LGALS16: variants seen among roughly 807,000 people sequenced by gnomAD.
LGALS16 encodes galectin 16.
LGALS16 carries 15 observed loss-of-function variants against 13.2 expected under a neutral mutation model. The observed-to-expected ratio is 1.13, with a 90% CI of 0.76 to 1.75. LGALS16 has a LOEUF of 1.75. Ranked by LOEUF, LGALS16 falls within the 40% of genes most tolerant of loss-of-function variation. LGALS16 has a pLI of 0.00. For synonymous variants in LGALS16, 66 were observed against 65.4 expected, an observed-to-expected ratio of 1.01 and a Z score of -0.05; for missense variants, 198 against 178.4, an observed-to-expected ratio of 1.11 and a Z score of -0.63.
At chr19:39,658,385 G>T (rs1347850235) in intron 2 of LGALS16, 75 bp from the exon 3 acceptor site, 1 of 1,239,208 alleles carries the variant, frequency 8.1e-7, no homozygotes, top group Admixed American at 2.0e-5. Flanking sequence ...ATGGGGGAAG[G>T]GATTTGTGTG....
rs538753481 is a variant in LGALS16 at position 39,658,642 on chromosome 19, G to A, written c.275G>A (p.Arg92His). 5.6e-5 allele frequency: 89 copies of A among 1,588,622 alleles called. No homozygotes were observed. Among genetic ancestry groups the A allele is most frequent in the Non-Finnish European group, 7.2e-5 (84 of 1,170,970 alleles). The stretch of plus-strand genomic sequence containing the variant: ...GAGGATGGCAAACCATTTGACTTGC[G>A]CATCTACGTGTGTCACAATGAGTAT... ...PFEDGKPFDL[R>H]IYVCHNEYEV... Residue 92 changes from arginine (R) to histidine (H), a missense_variant, in exon 3 of 4, where the codon CGC becomes CAC. Coordinates refer to ENST00000392051, the MANE Select transcript of LGALS16 (RefSeq NM_001190441.3).
At chr19:39,657,812 T>A (rs1251975821) in intron 1 of LGALS16, 71 bp from the exon 2 acceptor site, 2 of 1,544,278 alleles carry the variant, frequency 1.3e-6, no homozygotes, top group Admixed American at 3.4e-5. Context: ...TCCTGCACCA[T>A]GGGAATATGT....
chr19:39,657,893 A>G lies in LGALS16; in HGVS notation c.26A>G (p.Lys9Arg). The G allele has an allele frequency of 6.2e-7, 1 of 1,613,942 alleles. No homozygotes were observed. Among genetic ancestry groups the G allele is most frequent in the Non-Finnish European group, 8.5e-7 (1 of 1,180,014 alleles). MSFLTVPYKLPVSLSVGSC... is the reference protein window; with the variant it reads MSFLTVPYRLPVSLSVGSC... ...TCAATACCCTGGCAGGTGCCATACA[A>G]ACTGCCTGTGTCTTTGTCTGTTGGT... The change falls in exon 2 of 4, where the codon AAA (lysine) becomes AGA (arginine). Residue 9 changes from lysine to arginine, a missense_variant. Transcript: ENST00000392051.
Position 39,658,582 on chromosome 19 carries a change from G to A in LGALS16, c.215G>A (p.Trp72Ter), listed in dbSNP as rs567987381. 6.2e-7 allele frequency: 1 copy of A among 1,608,240 alleles called. No homozygotes were observed. Among genetic ancestry groups the A allele is most frequent in the South Asian group, 1.1e-5 (1 of 90,782 alleles). ...VVMNSREFGI[W>*]MLEENLHYVP... ...ATGAACAGTCGTGAGTTTGGGATAT[G>A]GATGTTGGAGGAGAATTTACACTAT... Residue 72 changes from tryptophan to a stop codon, truncating the protein, a stop_gained, in exon 3 of 4, where the codon TGG becomes TAG. Coordinates refer to ENST00000392051, the MANE Select transcript of LGALS16 (RefSeq NM_001190441.3). LOFTEE classifies it high-confidence loss of function.
chr19:39,656,907 G>C (rs1973200957), intron 1 of LGALS16, among the ~76,000 whole-genome samples: 1 of 151,734 alleles, frequency 6.6e-6, no homozygotes, highest in Non-Finnish European at 1.5e-5. Context: ...GTCTAAACTT[G>C]TTCCTCCACC....
rs758994018 is a variant in LGALS16, at chr19:39,658,676, C to G, written c.303+6C>G. 3.9e-6 allele frequency: 6 copies of G among 1,553,728 alleles called. No individual in the cohort carries two copies. The African/African-American group carries it at 8.2e-5, about 21-fold the overall frequency. On this transcript the variant is annotated splice_donor_region_variant and intron_variant, in intron 3 of 3. Coordinates refer to ENST00000392051, the MANE Select transcript of LGALS16 (RefSeq NM_001190441.3). ...TGTGTCACAATGAGTATGAGGTGAG[C>G]ACCCCAGGAGCTCGCAGTACCCAGG... is the stretch of plus-strand genomic sequence containing the variant.
chr19:39,659,986 A>G (rs1405931598), intron 3 of LGALS16, among the ~76,000 whole-genome samples: 1 of 152,258 alleles, frequency 6.6e-6, no homozygotes, highest in Non-Finnish European at 1.5e-5. Flanking sequence ...CTGTGCCATC[A>G]GTAGTGAAAG....
At chr19:39,660,057 C>G (rs973502221) in intron 3 of LGALS16, among the ~76,000 whole-genome samples, 2 of 152,124 alleles carry the variant, frequency 1.3e-5, no homozygotes, top group African/African-American at 4.8e-5. Context: ...TCGCACTAAC[C>G]CTGTGGCAGG....
chr19:39,657,342 C>T (rs989845567), intron 1 of LGALS16, among the ~76,000 whole-genome samples: 9 of 152,164 alleles, frequency 5.9e-5, no homozygotes, highest in African/African-American at 1.9e-4. Context: ...CCCTGACCCA[C>T]AGGCTTCACT....
chr19:39,657,201 G>A (rs1203594957), intron 1 of LGALS16, among the ~76,000 whole-genome samples: 2 of 152,102 alleles, frequency 1.3e-5, no homozygotes, highest in African/African-American at 2.4e-5. Flanking sequence ...GGAGTTCAAC[G>A]TTTCAATGAG....
At chr19:39,656,121 G>A in intron 1 of LGALS16, 145 bp downstream of exon 1, 1 of 829,222 alleles carries the variant, frequency 1.2e-6, no homozygotes, top group Non-Finnish European at 1.9e-6. Flanking sequence ...GAAACACTGA[G>A]GCTGGGTATC....
chr19:39,656,560 T>G (rs1973196812), intron 1 of LGALS16, among the ~76,000 whole-genome samples: 1 of 152,204 alleles, frequency 6.6e-6, no homozygotes, highest in Non-Finnish European at 1.5e-5. Context: ...TGTGGCAATG[T>G]GGATCCCAGG....
In LGALS16 at chr19:39,658,666, A is replaced by T; in HGVS notation, c.299A>T (p.Tyr100Phe). The change falls in exon 3 of 4, where the codon TAT becomes TTT. Residue 100 changes from tyrosine (Y) to phenylalanine (F), a missense_variant. Tyr to Phe is a conservative substitution (Grantham distance 22). Transcript: ENST00000392051. ...DLRIYVCHNE[Y>F]EVKVNGEYIY... is the part of the protein sequence containing the mutation. ...CGCATCTACGTGTGTCACAATGAGT[A>T]TGAGGTGAGCACCCCAGGAGCTCGC... is the stretch of plus-strand genomic sequence containing the variant. The T allele has an allele frequency of 6.4e-7, 1 of 1,569,958 alleles. No homozygotes were observed. Among genetic ancestry groups the T allele is most frequent in the Non-Finnish European group, 8.6e-7 (1 of 1,161,214 alleles).
chr19:39,658,726 T>A (rs1461616825), intron 3 of LGALS16, 56 bp downstream of exon 3: 1 of 1,152,136 alleles, frequency 8.7e-7, no homozygotes, highest in Non-Finnish European at 1.3e-6. Context: ...AGAGCAGGAG[T>A]CAGCTCTCAT....
At chr19:39,658,699 A>C (rs1568484494) in intron 3 of LGALS16, 29 bp downstream of exon 3, 1 of 1,426,034 alleles carries the variant, frequency 7.0e-7, no homozygotes, top group Non-Finnish European at 9.6e-7. Context: ...CGCAGTACCC[A>C]GGCTCTTTGG....
intron 1 of LGALS16, among the ~76,000 whole-genome samples, 192 bp downstream of exon 1, chr19:39,656,168 C>A (rs1283090159): frequency 1.3e-5 from 2 of 152,018 alleles, no homozygotes; most frequent in East Asian, 1.9e-4. Context: ...GGATCCTGGA[C>A]AAATGTAACC....
At chr19:39,657,984 G>A in intron 2 of LGALS16, 25 bp downstream of exon 2, 1 of 1,611,300 alleles carries the variant, frequency 6.2e-7, no homozygotes, top group Non-Finnish European at 8.5e-7. Flanking sequence ...GTCCAATGGA[G>A]GGGGTGGAGG....
At chr19:39,658,334 C>G in intron 2 of LGALS16, 126 bp from the exon 3 acceptor site, 3 of 807,748 alleles carry the variant, frequency 3.7e-6, no homozygotes, top group African/African-American at 1.7e-5. Context: ...CCACAGGGAC[C>G]AGGCCTGCAG....
intron 3 of LGALS16, among the ~76,000 whole-genome samples, chr19:39,659,223 C>T (rs1295123736): frequency 6.6e-6 from 1 of 151,954 alleles, no homozygotes; most frequent in African/African-American, 2.4e-5. Context: ...CCTTAGCCTC[C>T]CAAGTAGATG....
Sources: gnomAD v4.1 joint callset for allele counts (sites outside exome capture counted in the v4.1 genomes callset) on GRCh38, gnomAD v4.1.1 for gene constraint, MANE v1.5 for transcripts, NCBI Gene and HGNC (gene_info 2026-07-23, HGNC 2026-07-21) for gene names.